EYS: variants seen among roughly 807,000 people sequenced by gnomAD.
EYS encodes the protein protein eyes shut homolog.
In EYS, 250 loss-of-function variants were observed where a neutral mutation model predicts 282.1. The ratio of observed to expected loss-of-function variants is 0.89; its 90% CI spans 0.80 to 0.98. The LOEUF (loss-of-function observed/expected upper bound fraction) is 0.98, where lower values mean the gene tolerates loss of function less well. Among genes scored for constraint, EYS ranks in the 50% least tolerant of loss-of-function variants. The probability of loss-of-function intolerance (pLI) is 0.00; values close to 1 mark genes in which losing one functional copy is unlikely to be tolerated. For missense variants in EYS, 4,016 were observed against 3,709.0 expected, an observed-to-expected ratio of 1.08 and a Z score of -2.15; for synonymous variants, 1,355 against 1,282.9, an observed-to-expected ratio of 1.06 and a Z score of -1.20.
At chr6:63,877,141 G>A (rs552718897) in intron 35 of EYS, among the ~76,000 whole-genome samples, 3 of 152,296 alleles carry the variant, frequency 2.0e-5, no homozygotes, top group African/African-American at 7.2e-5. Flanking sequence ...GCTTCCTTCA[G>A]GAGCTCTTTT....
intron 5 of EYS, among the ~76,000 whole-genome samples, chr6:65,430,252 A>C (rs1467135989): frequency 6.6e-6 from 1 of 152,152 alleles, no homozygotes; most frequent in Non-Finnish European, 1.5e-5. Context: ...TCACTGAAAG[A>C]AGCACTGAAC....
intron 18 of EYS, among the ~76,000 whole-genome samples, chr6:64,900,179 T>G (rs1383995100): frequency 6.6e-6 from 1 of 152,220 alleles, no homozygotes; most frequent in Non-Finnish European, 1.5e-5. Context: ...GTTAGCCATA[T>G]GCAGAACTCT....
At chr6:65,669,198 A>G (rs1768298016) in intron 1 of EYS, among the ~76,000 whole-genome samples, 1 of 151,974 alleles carries the variant, frequency 6.6e-6, no homozygotes, top group Non-Finnish European at 1.5e-5. Context: ...GATGCTCTTG[A>G]GGTACCTGCT....
chr6:64,552,377 TAG>T (rs1765108928), intron 26 of EYS, among the ~76,000 whole-genome samples: 1 of 152,192 alleles, frequency 6.6e-6, no homozygotes, highest in African/African-American at 2.4e-5. Context: ...CTACATTCTG[TAG>T]AGAATCCTTT....
At chr6:65,381,536 A>C (rs1466081504) in intron 8 of EYS, among the ~76,000 whole-genome samples, 1 of 151,936 alleles carries the variant, frequency 6.6e-6, no homozygotes, top group African/African-American at 2.4e-5. Flanking sequence ...TAAAACCTGT[A>C]TGACGGGTTG....
At chr6:64,594,277 A>T (rs922375521) in intron 24 of EYS, among the ~76,000 whole-genome samples, 14 of 152,144 alleles carry the variant, frequency 9.2e-5, no homozygotes, top group Non-Finnish European at 1.8e-4. Context: ...GCTGAAATTG[A>T]TCATACTTTT....
chr6:63,924,646 T>G (rs975979862), intron 35 of EYS, among the ~76,000 whole-genome samples: 4 of 152,186 alleles, frequency 2.6e-5, no homozygotes, highest in Non-Finnish European at 1.5e-5. Flanking sequence ...ATCATTTAGT[T>G]TCTATAGGGG....
intron 12 of EYS, among the ~76,000 whole-genome samples, chr6:65,237,038 T>A (rs972583309): frequency 6.6e-6 from 1 of 152,212 alleles, no homozygotes; most frequent in Admixed American, 6.5e-5. Context: ...TTCACTTGAA[T>A]ATATTAACAC....
At chr6:64,540,090 C>T (rs531743891) in intron 26 of EYS, among the ~76,000 whole-genome samples, 161 of 152,274 alleles carry the variant, frequency 1.1e-3, no homozygotes, top group Middle Eastern at 0.01. Flanking sequence ...AATGATTTTC[C>T]GGAGTCTGAG....
At chr6:65,494,444 A>AC (rs1766159315) in intron 4 of EYS, among the ~76,000 whole-genome samples, 1 of 147,622 alleles carries the variant, frequency 6.8e-6, no homozygotes, top group East Asian at 2.0e-4. Flanking sequence ...TGCTCGGCTA[A>AC]TTTTTTTTTT....
chr6:64,003,567 C>T (rs1273530383), intron 33 of EYS, among the ~76,000 whole-genome samples: 1 of 152,130 alleles, frequency 6.6e-6, no homozygotes, highest in African/African-American at 2.4e-5. Flanking sequence ...TAAATATAGA[C>T]ATCCACTATG....
intron 22 of EYS, among the ~76,000 whole-genome samples, chr6:64,669,436 G>C (rs1044011634): frequency 6.6e-6 from 1 of 152,168 alleles, no homozygotes; most frequent in Non-Finnish European, 1.5e-5. Flanking sequence ...TCAGATTTGG[G>C]CTTGTGTAAG....
intron 7 of EYS, 61 bp from the exon 8 acceptor site, chr6:65,384,561 T>C (rs996308742): frequency 1.4e-5 from 12 of 833,622 alleles, no homozygotes; most frequent in African/African-American, 8.5e-5. Context: ...GAAAAGCCTA[T>C]TAACATTATT....
intron 26 of EYS, among the ~76,000 whole-genome samples, chr6:64,503,469 G>A (rs1045490296): frequency 3.3e-5 from 5 of 152,138 alleles, no homozygotes; most frequent in Admixed American, 1.3e-4. Context: ...AACTGCTTCC[G>A]TGGAATTAAA....
chr6:65,626,739 T>C (rs1046434423), intron 2 of EYS, among the ~76,000 whole-genome samples: 8 of 152,078 alleles, frequency 5.3e-5, no homozygotes, highest in African/African-American at 9.7e-5. Flanking sequence ...AATTCAAAGA[T>C]AGTAACAAAT....
chr6:64,914,642 C>A (rs762162917), intron 15 of EYS, among the ~76,000 whole-genome samples: 6 of 152,012 alleles, frequency 3.9e-5, no homozygotes, highest in Middle Eastern at 3.2e-3. Context: ...TGACTTGCAA[C>A]AACATCTATA....
intron 29 of EYS, among the ~76,000 whole-genome samples, chr6:64,331,882 T>G (rs1209662823): frequency 6.6e-6 from 1 of 152,180 alleles, no homozygotes; most frequent in Non-Finnish European, 1.5e-5. Context: ...TGCCTTCACT[T>G]TCTCAGGGTG....
chr6:65,331,237 T>G (rs1447127228), intron 11 of EYS: 1 of 692,578 alleles, frequency 1.4e-6, no homozygotes, highest in African/African-American at 1.9e-5. Flanking sequence ...TGGGAAGAAT[T>G]AATATTTTAG....
chr6:64,989,550 ATATATTT>A (rs1770986842), intron 14 of EYS, among the ~76,000 whole-genome samples: 1 of 137,774 alleles, frequency 7.3e-6, no homozygotes, highest in Admixed American at 7.5e-5. Flanking sequence ...ATAATATATC[ATATATTT>A]TATATTTAAG....
Sources: gnomAD v4.1 joint callset for allele counts (sites outside exome capture counted in the v4.1 genomes callset) on GRCh38, gnomAD v4.1.1 for gene constraint, MANE v1.5 for transcripts, NCBI Gene and HGNC (gene_info 2026-07-23, HGNC 2026-07-21) for gene names.